The following NIPBL variants were observed in gnomAD, a reference collection of about 807,000 sequenced individuals.
NIPBL encodes nipped-B-like protein.
NIPBL carries 19 observed loss-of-function variants against 321.8 expected under a neutral mutation model. That is an observed-to-expected ratio of 0.06 (90% CI 0.04 to 0.09). NIPBL has a LOEUF of 0.09. Ranked by LOEUF, NIPBL falls within the 10% of genes least tolerant of loss-of-function variation. The probability of loss-of-function intolerance (pLI) is 1.00; values close to 1 mark genes in which losing one functional copy is unlikely to be tolerated. For synonymous variants in NIPBL, 1,106 were observed against 1,114.1 expected, an observed-to-expected ratio of 0.99 and a Z score of 0.14; for missense variants, 2,210 against 3,327.0, an observed-to-expected ratio of 0.66 and a Z score of 8.26.
chr5:37,042,588 A>G (rs972680664), intron 34 of NIPBL, among the ~76,000 whole-genome samples: 5 of 151,864 alleles, frequency 3.3e-5, no homozygotes, highest in African/African-American at 9.7e-5. Flanking sequence ...TGTGGAGTTT[A>G]AGACCAGCCT....
intron 20 of NIPBL, among the ~76,000 whole-genome samples, chr5:37,009,465 CTTCT>C (rs1285877779): frequency 1.3e-5 from 2 of 152,128 alleles, no homozygotes; most frequent in African/African-American, 4.8e-5. Context: ...GCTTTGAAGG[CTTCT>C]TTCTTCTCTA....
chr5:37,000,922 C>T lies in NIPBL; in HGVS notation c.3574+34C>T. 1.9e-6 allele frequency: 3 copies of T among 1,591,934 alleles called. No homozygotes were observed. The African/African-American group carries it at 4.0e-5, about 21-fold the overall frequency. The stretch of plus-strand genomic sequence containing the variant: ...TTAGTTTATTTAATTTGTCTTTATT[C>T]ATATTCTTCAGCTTCACATGTCTAC... On this transcript the variant is annotated intron_variant, in intron 13 of 46. Transcript: ENST00000282516.
intron 32 of NIPBL, among the ~76,000 whole-genome samples, chr5:37,034,924 T>C (rs1339040101): frequency 2.0e-5 from 3 of 152,220 alleles, no homozygotes; most frequent in Admixed American, 2.0e-4. Flanking sequence ...TGTGTGTACC[T>C]GAAGCCTTGG....
At chr5:37,003,809 A>T (rs1359938484) in intron 16 of NIPBL, among the ~76,000 whole-genome samples, 1 of 152,216 alleles carries the variant, frequency 6.6e-6, no homozygotes, top group East Asian at 1.9e-4. Context: ...AATTAATGTT[A>T]CACATTGTCA....
chr5:37,051,465 T>G, intron 40 of NIPBL: 1 of 335,538 alleles, frequency 3.0e-6, no homozygotes, highest in African/African-American at 2.1e-5. Flanking sequence ...GGATTATACA[T>G]TTGTAGTCTA....
chr5:37,020,171 CTTGA>C (rs1190115292), intron 25 of NIPBL, among the ~76,000 whole-genome samples: 3 of 152,036 alleles, frequency 2.0e-5, no homozygotes, highest in Non-Finnish European at 2.9e-5. Flanking sequence ...TGATGTTGTC[CTTGA>C]TTAAGTAGTT....
chr5:36,915,100 A>G (rs967985002), intron 1 of NIPBL, among the ~76,000 whole-genome samples: 5 of 151,992 alleles, frequency 3.3e-5, no homozygotes, highest in Non-Finnish European at 7.4e-5. Context: ...TTGGGCACTT[A>G]ATTAGTTAGA....
At chr5:36,941,937 A>T (rs1213741287) in intron 1 of NIPBL, among the ~76,000 whole-genome samples, 1 of 152,146 alleles carries the variant, frequency 6.6e-6, no homozygotes, top group African/African-American at 2.4e-5. Context: ...CCTAATTTAC[A>T]TCATCCTTAA....
At chr5:36,965,508 C>CT (rs1257315632) in intron 6 of NIPBL, among the ~76,000 whole-genome samples, 6 of 151,972 alleles carry the variant, frequency 3.9e-5, no homozygotes, top group Non-Finnish European at 7.4e-5. Flanking sequence ...TTACCAGAGG[C>CT]TGGGAAGGGT....
chr5:36,984,800 G>C lies in NIPBL; in HGVS notation c.1620G>C (p.Met540Ile). 1 of 1,613,856 alleles carries C rather than the reference G, an allele frequency of 6.2e-7. No homozygotes were observed. Reference sequence around the variant, plus strand: ...GAAATGGGTCAAGGCCAGCATTAATGGTTAGCATTGATCTTCATCAGGCAG... The same window carrying C: ...GAAATGGGTCAAGGCCAGCATTAATCGTTAGCATTGATCTTCATCAGGCAG... Reference protein sequence around the residue: ...STGNGSRPALMVSIDLHQAGR... With the variant: ...STGNGSRPALIVSIDLHQAGR... Residue 540 changes from methionine (M) to isoleucine (I), a missense_variant, in exon 10 of 47, where the codon ATG becomes ATC. By Grantham distance (10) the Met-to-Ile change is conservative. Transcript: ENST00000282516.
At chr5:36,936,618 G>C (rs1288455836) in intron 1 of NIPBL, among the ~76,000 whole-genome samples, 1 of 152,094 alleles carries the variant, frequency 6.6e-6, no homozygotes, top group East Asian at 1.9e-4. Flanking sequence ...AGAGGTCAAA[G>C]TTATATTAGG....
At chr5:37,029,497 T>G (rs575373868) in intron 32 of NIPBL, among the ~76,000 whole-genome samples, 38 of 152,340 alleles carry the variant, frequency 2.5e-4, no homozygotes, top group Non-Finnish European at 4.7e-4. Context: ...CTTTCCAGTT[T>G]GGGGTGTTAT....
rs558867335 is a variant in NIPBL at position 36,877,104 on chromosome 5, C to G, written c.-154C>G. The G allele has an allele frequency of 2.8e-4, 100 of 352,452 alleles. No homozygotes were observed. The highest frequency in any genetic ancestry group is 5.2e-4 in the Admixed American group (11 of 21,266). The allele number at this position is 352,452 out of a possible 1,614,324, so 21.8% of individuals were successfully genotyped here. A position where few individuals can be genotyped will look rare whatever the true frequency, so the allele number is the denominator to read the frequency against. On this transcript the variant is annotated 5_prime_UTR_variant, in exon 1 of 47. Coordinates refer to ENST00000282516, the MANE Select transcript of NIPBL (RefSeq NM_133433.4). ...CGGAAGAGGAGCCGTAGCCACCCCC[C>G]CTCCCGGCCCGGATTATAGTCTCTC...
intron 7 of NIPBL, 36 bp from the exon 8 acceptor site, chr5:36,971,909 G>C: frequency 6.3e-7 from 1 of 1,581,302 alleles, no homozygotes; most frequent in Non-Finnish European, 8.7e-7. Context: ...AGCCTCTCCT[G>C]TCATTCAAAA....
chr5:36,962,313 G>C, intron 6 of NIPBL, 39 bp downstream of exon 6: 1 of 1,609,936 alleles, frequency 6.2e-7, no homozygotes, highest in East Asian at 2.2e-5. Context: ...GAATGTCTAA[G>C]TGCTTTAATT....
intron 46 of NIPBL, 113 bp downstream of exon 46, chr5:37,064,091 A>G: frequency 2.0e-6 from 3 of 1,478,908 alleles, no homozygotes; most frequent in Non-Finnish European, 2.7e-6. Flanking sequence ...TACTTAAAAG[A>G]GAAAACATTT....
intron 11 of NIPBL, among the ~76,000 whole-genome samples, chr5:36,997,612 A>G (rs1296780431): frequency 1.3e-5 from 2 of 152,172 alleles, no homozygotes; most frequent in African/African-American, 4.8e-5. Flanking sequence ...AGCTTCACAC[A>G]CTGCTAGAAG....
chr5:37,005,267 T>C (rs1039454878), intron 16 of NIPBL, among the ~76,000 whole-genome samples: 4 of 152,172 alleles, frequency 2.6e-5, no homozygotes, highest in Admixed American at 6.5e-5. Flanking sequence ...AAGTGCCCTC[T>C]CTTTACTTTT....
At position 36,876,867 on chromosome 5, in the gene NIPBL, C is replaced by T. The variant is rs1580120036; in HGVS notation, c.-391C>T. On this transcript the variant is annotated 5_prime_UTR_variant, in exon 1 of 47. Coordinates refer to ENST00000282516, the MANE Select transcript of NIPBL (RefSeq NM_133433.4). ...CTCCCTCCGTCGGTACCGACTCACCCGACACCACCAAGCCGCAGGGAGGGA... is the reference window on the plus strand; with the variant it reads ...CTCCCTCCGTCGGTACCGACTCACCTGACACCACCAAGCCGCAGGGAGGGA... The T allele has an allele frequency of 2.6e-6, 1 of 389,948 alleles. No individual in the cohort carries two copies. The highest frequency in any genetic ancestry group is 4.5e-6 in the Non-Finnish European group (1 of 221,424). The allele number at this position is 389,948 out of a possible 1,614,324, so 24.2% of individuals were successfully genotyped here. A position where few individuals can be genotyped will look rare whatever the true frequency, so the allele number is the denominator to read the frequency against.
Sources: allele counts gnomAD v4.1 joint callset (sites outside exome capture counted in the v4.1 genomes callset), GRCh38; gene constraint gnomAD v4.1.1; transcripts MANE v1.5; gene names NCBI Gene and HGNC (gene_info 2026-07-23, HGNC 2026-07-21).